PSMF1: variants seen among roughly 807,000 people sequenced by gnomAD.
PSMF1 encodes proteasome inhibitor PI31 subunit.
Under a neutral mutation model 29.3 loss-of-function variants are expected in PSMF1, and 30 were observed. The observed-to-expected ratio is 1.02, with a 90% CI of 0.77 to 1.39. The LOEUF is 1.39. PSMF1 is among the 40% of genes most tolerant of loss of function. PSMF1 has a pLI of 0.00. For missense variants in PSMF1, 344 were observed against 357.5 expected (o/e 0.96, Z 0.31); for synonymous variants, 134 against 139.7 (o/e 0.96, Z 0.29).
At chr20:1,147,157 A>G (rs889263547) in intron 4 of PSMF1, among the ~76,000 whole-genome samples, 2 of 124,836 alleles carry the variant, frequency 1.6e-5, no homozygotes, top group African/African-American at 6.3e-5. Flanking sequence ...CATCATCATC[A>G]TCATCATCAT....
intron 4 of PSMF1, among the ~76,000 whole-genome samples, chr20:1,147,121 G>T (rs2086460019): frequency 6.6e-6 from 1 of 151,084 alleles, no homozygotes; most frequent in Admixed American, 6.6e-5. Flanking sequence ...GTCCATTATG[G>T]ACATTGTTTC....
intron 4 of PSMF1, among the ~76,000 whole-genome samples, chr20:1,155,191 G>A (rs528927549): frequency 2.4e-4 from 37 of 152,368 alleles, no homozygotes; most frequent in African/African-American, 8.2e-4. Context: ...CATTGGCGTG[G>A]ACGGAGAGTG....
At chr20:1,153,235 G>A (rs1209160933) in intron 4 of PSMF1, among the ~76,000 whole-genome samples, 1 of 152,188 alleles carries the variant, frequency 6.6e-6, no homozygotes, top group Non-Finnish European at 1.5e-5. Flanking sequence ...CCACAAATGA[G>A]TAGCTTAAAA....
At chr20:1,139,990 G>A (rs949991896) in intron 4 of PSMF1, among the ~76,000 whole-genome samples, 12 of 152,124 alleles carry the variant, frequency 7.9e-5, no homozygotes, top group African/African-American at 2.9e-4. Context: ...CTGTGCTCAC[G>A]GCTAGGAAGA....
chr20:1,125,107 A>G (rs960324509), intron 1 of PSMF1, among the ~76,000 whole-genome samples: 2 of 152,236 alleles, frequency 1.3e-5, no homozygotes, highest in African/African-American at 4.8e-5. Flanking sequence ...TTTAGTCAAC[A>G]CCTTGGTAAT....
rs115433407 is a variant in PSMF1, at chr20:1,165,121, C to T, written c.*41C>T. 1.6e-4 allele frequency: 256 copies of T among 1,614,088 alleles called. No individual in the cohort carries two copies. In the African/African-American group the frequency reaches 3.1e-3, roughly 19 times the overall value. On this transcript the variant is annotated 3_prime_UTR_variant, in exon 7 of 7. Coordinates refer to ENST00000335877, the MANE Select transcript of PSMF1 (RefSeq NM_006814.5). ...AACATCCCAGGCTTCCCTCCATTCTCCTGGAGCTGCCACCGCTGTCCCCAT... is the reference window on the plus strand; with the variant it reads ...AACATCCCAGGCTTCCCTCCATTCTTCTGGAGCTGCCACCGCTGTCCCCAT...
chr20:1,145,720 C>T (rs2086441252), intron 4 of PSMF1, among the ~76,000 whole-genome samples: 1 of 152,172 alleles, frequency 6.6e-6, no homozygotes, highest in Non-Finnish European at 1.5e-5. Context: ...TAAGTGAAGG[C>T]TCTGAGTCTT....
rs768674538 is a variant in PSMF1 at position 1,127,464 on chromosome 20, C to T, written c.321C>T (p.Asn107=). ...AGCAAGTGGCAGACTTGACCCTGAACTTGGATGATTATATCGATGCAGAAC... is the reference window on the plus strand; with the variant it reads ...AGCAAGTGGCAGACTTGACCCTGAATTTGGATGATTATATCGATGCAGAAC... ...GSQQVADLTL[N]LDDYIDAEHL... Residue 107 remains asparagine (N), a synonymous_variant, in exon 3 of 7, where the codon AAC becomes AAT. Transcript: ENST00000335877. 1.2e-6 allele frequency: 2 copies of T among 1,609,264 alleles called. No individual in the cohort carries two copies. The highest frequency in any genetic ancestry group is 1.7e-6 in the Non-Finnish European group (2 of 1,175,524).
chr20:1,149,351 A>G (rs185924700), intron 4 of PSMF1, among the ~76,000 whole-genome samples: 13 of 152,350 alleles, frequency 8.5e-5, no homozygotes, highest in African/African-American at 3.1e-4. Context: ...TGCCATTTGA[A>G]TGGACCTTTT....
intron 2 of PSMF1, chr20:1,126,055 A>G (rs1309896488): frequency 2.3e-5 from 10 of 430,656 alleles, no homozygotes; most frequent in Non-Finnish European, 3.7e-5. Context: ...CCACTCACAC[A>G]GCCCTTCACC....
intron 4 of PSMF1, among the ~76,000 whole-genome samples, chr20:1,144,340 T>TA (rs1412827290): frequency 6.6e-6 from 1 of 152,128 alleles, no homozygotes; most frequent in Non-Finnish European, 1.5e-5. Context: ...TGTCAAATGT[T>TA]ACAGCTACTC....
At chr20:1,137,980 T>C (rs553890218) in intron 4 of PSMF1, among the ~76,000 whole-genome samples, 5 of 152,308 alleles carry the variant, frequency 3.3e-5, no homozygotes, top group African/African-American at 1.2e-4. Context: ...CTATTGATAA[T>C]TATTGAAGTT....
Position 1,126,231 on chromosome 20 carries a change from T to C in PSMF1, c.282+581T>C, listed in dbSNP as rs139935520. ...CAGCTTGTAATTGTGTACTTATTTG[T>C]GCTTTGCTTTTATTCTGCCATGGGA... On this transcript the variant is annotated intron_variant, in intron 2 of 6. Coordinates refer to ENST00000335877, the MANE Select transcript of PSMF1 (RefSeq NM_006814.5). Among the ~76,000 whole-genome samples, 799 of 152,366 alleles carry C rather than the reference T, an allele frequency of 5.2e-3. 2 individuals carry two copies. Among genetic ancestry groups the C allele is most frequent in the Middle Eastern group, 0.031 (9 of 294 alleles).
intron 4 of PSMF1, among the ~76,000 whole-genome samples, chr20:1,144,860 A>G (rs574453579): frequency 6.6e-6 from 1 of 152,242 alleles, no homozygotes; most frequent in South Asian, 2.1e-4. Context: ...AGTGAAGTAT[A>G]TTGGAACCTC....
intron 1 of PSMF1, among the ~76,000 whole-genome samples, 153 bp downstream of exon 1, chr20:1,119,055 G>A (rs919646614): frequency 6.6e-6 from 1 of 152,182 alleles, no homozygotes; most frequent in African/African-American, 2.4e-5. Flanking sequence ...GCGGGTCGGA[G>A]GTTGCTCACC....
chr20:1,121,400 C>CT (rs1444994168), intron 1 of PSMF1, among the ~76,000 whole-genome samples: 1 of 152,064 alleles, frequency 6.6e-6, no homozygotes, highest in Non-Finnish European at 1.5e-5. Flanking sequence ...TTCTCTCTGC[C>CT]TTTTCTCCTT....
rs1466298581 is a variant in PSMF1, at chr20:1,169,013, G to A, written c.*3933G>A. ...TGCCCTTGGGATACCACAAGGCACA[G>A]ATACAGGCAGCTGCTGTGTGGCTCT... On this transcript the variant is annotated 3_prime_UTR_variant, in exon 7 of 7. Transcript: ENST00000335877. Among the ~76,000 whole-genome samples the A allele has an allele frequency of 6.6e-6, 1 of 152,194 alleles. No homozygotes were observed. The highest frequency in any genetic ancestry group is 1.5e-5 in the Non-Finnish European group (1 of 68,040).
At position 1,129,999 on chromosome 20, in the gene PSMF1, GA is replaced by G. The variant is rs749450493; in HGVS notation, c.365+2493del. On this transcript the variant is annotated intron_variant, in intron 3 of 6. Transcript: ENST00000335877. The stretch of plus-strand genomic sequence containing the variant: ...TAGAATATTATTCGGCTTTAAAAAG[GA>G]AGGAAATTCTGGCCCGTGCTACAAC... Among the ~76,000 whole-genome samples the G allele has an allele frequency of 4.0e-4, 61 of 152,310 alleles. 1 individual carries two copies. In the Middle Eastern group the frequency reaches 0.02, roughly 51 times the overall value.
chr20:1,114,068 C>A (rs377256544), upstream of PSMF1, among the ~76,000 whole-genome samples: 1 of 152,146 alleles, frequency 6.6e-6, no homozygotes, highest in African/African-American at 2.4e-5. Context: ...ACTACAACAC[C>A]CTCATCACCC....
Sources: gnomAD v4.1 joint callset for allele counts (sites outside exome capture counted in the v4.1 genomes callset) on GRCh38, gnomAD v4.1.1 for gene constraint, MANE v1.5 for transcripts, NCBI Gene and HGNC (gene_info 2026-07-23, HGNC 2026-07-21) for gene names.